ALKBH1: variants seen among roughly 807,000 people sequenced by gnomAD.
The protein encoded by ALKBH1 is alkB homolog 1, histone H2A dioxygenase, also known as nucleic acid dioxygenase ALKBH1.
A neutral mutation model predicts 36.6 loss-of-function variants in ALKBH1; 31 were observed. The ratio of observed to expected loss-of-function variants is 0.85; its 90% CI spans 0.64 to 1.14. The LOEUF (loss-of-function observed/expected upper bound fraction) is 1.14, where lower values mean the gene tolerates loss of function less well. ALKBH1 is among the 50% of genes most tolerant of loss of function. The probability of loss-of-function intolerance (pLI) is 0.00; values close to 1 mark genes in which losing one functional copy is unlikely to be tolerated. For missense variants in ALKBH1, 490 were observed against 497.3 expected (o/e 0.99, Z 0.14); for synonymous variants, 183 against 186.6 (o/e 0.98, Z 0.16).
chr14:77,686,861 A>T (rs190490767), intron 3 of ALKBH1, among the ~76,000 whole-genome samples: 1 of 152,202 alleles, frequency 6.6e-6, no homozygotes, highest in East Asian at 1.9e-4. Flanking sequence ...TGACCTTGTG[A>T]TCCACCCGCC....
chr14:77,675,562 A>G, intron 5 of ALKBH1, 94 bp downstream of exon 5: 1 of 1,145,040 alleles, frequency 8.7e-7, no homozygotes, highest in Non-Finnish European at 1.2e-6. Context: ...CCACTTTTTT[A>G]AAGTTAAATA....
intron 1 of ALKBH1, among the ~76,000 whole-genome samples, chr14:77,705,486 C>A (rs1296093835): frequency 6.7e-6 from 1 of 149,720 alleles, no homozygotes; most frequent in African/African-American, 2.5e-5. Context: ...CAGTGAGACA[C>A]TGGGAATCCT....
At chr14:77,676,190 TCTCA>T (rs1254985218) in intron 4 of ALKBH1, among the ~76,000 whole-genome samples, 39 of 148,900 alleles carry the variant, frequency 2.6e-4, no homozygotes, top group African/African-American at 9.4e-4. Context: ...AGAGATGGGG[TCTCA>T]CTATGTTGCC....
intron 3 of ALKBH1, among the ~76,000 whole-genome samples, chr14:77,688,820 C>T (rs2080282757): frequency 6.6e-6 from 1 of 152,136 alleles, no homozygotes; most frequent in Non-Finnish European, 1.5e-5. Flanking sequence ...GATCCCCCCA[C>T]CTTGACCTCC....
intron 2 of ALKBH1, among the ~76,000 whole-genome samples, chr14:77,699,865 T>C (rs183151690): frequency 1.6e-3 from 244 of 152,122 alleles, no homozygotes; most frequent in Admixed American, 4.2e-3. Context: ...CCATCCTGGC[T>C]AACACAATGA....
intron 1 of ALKBH1, among the ~76,000 whole-genome samples, chr14:77,705,125 A>G (rs1042088170): frequency 6.6e-6 from 1 of 152,164 alleles, no homozygotes; most frequent in African/African-American, 2.4e-5. Context: ...GAGAAAATGA[A>G]AAGAGAAGGC....
intron 3 of ALKBH1, among the ~76,000 whole-genome samples, chr14:77,692,687 C>CCTA: frequency 6.6e-6 from 1 of 152,236 alleles, no homozygotes; most frequent in Admixed American, 6.5e-5. Context: ...ACCAATTCCA[C>CCTA]CTACTCATGG....
At chr14:77,698,361 G>A (rs1239779187) in intron 2 of ALKBH1, among the ~76,000 whole-genome samples, 2 of 152,192 alleles carry the variant, frequency 1.3e-5, no homozygotes, top group Admixed American at 6.5e-5. Context: ...CCTCCTCTAC[G>A]ACTGGATGGT....
At chr14:77,689,264 A>T (rs2080285149) in intron 3 of ALKBH1, among the ~76,000 whole-genome samples, 1 of 152,170 alleles carries the variant, frequency 6.6e-6, no homozygotes, top group African/African-American at 2.4e-5. Context: ...TCGTGCCCCC[A>T]AAGCACCTTG....
chr14:77,676,692 T>C (rs930051007), intron 4 of ALKBH1, among the ~76,000 whole-genome samples: 1 of 152,236 alleles, frequency 6.6e-6, no homozygotes, highest in African/African-American at 2.4e-5. Flanking sequence ...ATGTTAATAA[T>C]AGGGGGAGAG....
At chr14:77,699,435 CATTA>C (rs1403635332) in intron 2 of ALKBH1, among the ~76,000 whole-genome samples, 3 of 152,164 alleles carry the variant, frequency 2.0e-5, no homozygotes, top group South Asian at 2.1e-4. Context: ...ATTCCTAAGT[CATTA>C]ATTATAGTAG....
Position 77,674,165 on chromosome 14 carries a change from C to A in ALKBH1, c.817G>T (p.Gly273Cys). 6.2e-7 allele frequency: 1 copy of A among 1,614,170 alleles called. No homozygotes were observed. Among genetic ancestry groups the A allele is most frequent in the Admixed American group, 1.7e-5 (1 of 60,024 alleles). Residue 273 changes from glycine (G) to cysteine (C), a missense_variant, in exon 6 of 6, where the codon GGT becomes TGT. Physicochemically the swap from Gly to Cys is radical, Grantham distance 159. Coordinates refer to ENST00000216489, the MANE Select transcript of ALKBH1 (RefSeq NM_006020.3). ...EAPTAMFMHS[G>C]DIMIMSGFSR... ...AAACCCGACATTATCATGATGTCAC[C>A]ACTGTGCATAAACATGGCCGTGGGG... is the stretch of plus-strand genomic sequence containing the variant.
intron 4 of ALKBH1, 53 bp downstream of exon 4, chr14:77,679,827 G>T: frequency 7.6e-7 from 1 of 1,307,946 alleles, no homozygotes; most frequent in South Asian, 1.2e-5. Context: ...ACAACTATGT[G>T]GGCTAAAGAA....
intron 2 of ALKBH1, among the ~76,000 whole-genome samples, chr14:77,695,206 G>A (rs1378429704): frequency 6.6e-6 from 1 of 152,152 alleles, no homozygotes; most frequent in East Asian, 1.9e-4. Flanking sequence ...TTGACACTTA[G>A]AGTCATCCGA....
At chr14:77,699,089 G>C (rs2080344701) in intron 2 of ALKBH1, among the ~76,000 whole-genome samples, 1 of 152,256 alleles carries the variant, frequency 6.6e-6, no homozygotes, top group African/African-American at 2.4e-5. Context: ...GGTCTCTTTA[G>C]CACTCAATTC....
At chr14:77,693,780 G>A (rs558191886) in intron 3 of ALKBH1, among the ~76,000 whole-genome samples, 21 of 152,216 alleles carry the variant, frequency 1.4e-4, no homozygotes, top group Non-Finnish European at 5.9e-5. Context: ...TTGAGGTCAG[G>A]AATTGAGACC....
chr14:77,677,896 C>T (rs1327506576), intron 4 of ALKBH1, among the ~76,000 whole-genome samples: 2 of 152,052 alleles, frequency 1.3e-5, no homozygotes, highest in African/African-American at 2.4e-5. Flanking sequence ...GAAATAATCA[C>T]CCTTTTGGGC....
At chr14:77,683,616 G>T (rs1486467246) in intron 3 of ALKBH1, 2 of 352,868 alleles carry the variant, frequency 5.7e-6, no homozygotes, top group Non-Finnish European at 1.1e-5. Flanking sequence ...CTGTCACCTA[G>T]GCTGGAGTGC....
chr14:77,697,667 A>G (rs1356375107), intron 2 of ALKBH1, among the ~76,000 whole-genome samples: 1 of 149,468 alleles, frequency 6.7e-6, no homozygotes, highest in Non-Finnish European at 1.5e-5. Context: ...TGAGTGGGGT[A>G]GAAATTACAA....
Sources: gnomAD v4.1 joint callset for allele counts (sites outside exome capture counted in the v4.1 genomes callset) on GRCh38, gnomAD v4.1.1 for gene constraint, MANE v1.5 for transcripts, NCBI Gene and HGNC (gene_info 2026-07-23, HGNC 2026-07-21) for gene names.